Variants in SMAD6 observed in about 807,000 individuals in gnomAD.
SMAD6 encodes the protein MAD homolog 6.
A neutral mutation model predicts 39.4 loss-of-function variants in SMAD6; 103 were observed. The ratio of observed to expected loss-of-function variants is 2.62; its 90% CI spans 2.23 to 3.08. The LOEUF (loss-of-function observed/expected upper bound fraction) is 3.08, where lower values mean the gene tolerates loss of function less well. SMAD6 is among the 30% of genes most tolerant of loss of function. SMAD6 has a pLI of 0.00. For synonymous variants in SMAD6, 445 were observed against 353.3 expected (o/e 1.26, Z -2.91); for missense variants, 1,104 against 742.9 (o/e 1.49, Z -5.65).
chr15:66,757,604 G>A (rs1894125381), intron 3 of SMAD6, among the ~76,000 whole-genome samples: 1 of 152,152 alleles, frequency 6.6e-6, no homozygotes, highest in Non-Finnish European at 1.5e-5. Flanking sequence ...TCTGGCCCTT[G>A]TCCCACAGTC....
chr15:66,704,118 C>A, intron 1 of SMAD6, 43 bp downstream of exon 1: 1 of 1,344,216 alleles, frequency 7.4e-7, no homozygotes, highest in South Asian at 1.6e-5. Flanking sequence ...GGTCCCCGTC[C>A]CCATCCCCTT....
In SMAD6 at chr15:66,747,173, A is replaced by G. The variant is rs1257467228; in HGVS notation, c.952+30675A>G. On this transcript the variant is annotated intron_variant, in intron 3 of 3. Transcript: ENST00000288840. The surrounding 1 kb of genome is among the most constrained non-coding windows in gnomAD (Gnocchi z 4.5). ...TCCAGCCAGGAGGACAGAAATTCTT[A>G]TCTCCACATGGCAAGTGGGGAAAAT... Among the ~76,000 whole-genome samples, 1 of 152,224 alleles carries G rather than the reference A, an allele frequency of 6.6e-6. No individual in the cohort carries two copies. Among genetic ancestry groups the G allele is most frequent in the Non-Finnish European group, 1.5e-5 (1 of 68,038 alleles).
intron 3 of SMAD6, among the ~76,000 whole-genome samples, chr15:66,729,490 C>G (rs546308792): frequency 6.6e-6 from 1 of 152,252 alleles, no homozygotes; most frequent in East Asian, 1.9e-4. Flanking sequence ...GGAGTTGGGT[C>G]AAGATTGTCC....
At chr15:66,736,328 A>G (rs531839769) in intron 3 of SMAD6, among the ~76,000 whole-genome samples, 1 of 152,352 alleles carries the variant, frequency 6.6e-6, no homozygotes, top group African/African-American at 2.4e-5. Context: ...CGCATACTAA[A>G]AAGTGATTTG....
At chr15:66,758,175 CTT>C (rs1284713818) in intron 3 of SMAD6, among the ~76,000 whole-genome samples, 2 of 152,162 alleles carry the variant, frequency 1.3e-5, no homozygotes, top group Admixed American at 6.5e-5. Context: ...CTTGAAAACT[CTT>C]TTTTATTATT....
chr15:66,781,489 C>T lies in SMAD6; in HGVS notation c.1445C>T (p.Thr482Ile). The T allele has an allele frequency of 1.3e-6, 2 of 1,580,186 alleles. No homozygotes were observed. The highest frequency in any genetic ancestry group is 8.6e-7 in the Non-Finnish European group (1 of 1,165,580). The change falls in exon 4 of 4, where the codon ACC (threonine) becomes ATC (isoleucine). Residue 482 changes from threonine (T) to isoleucine (I), a missense_variant. Transcript: ENST00000288840. ...WGPCYSRQFITSCPCWLEILL... is the reference protein window; with the variant it reads ...WGPCYSRQFIISCPCWLEILL... ...CCCTGCTACTCCCGGCAGTTCATCACCTCCTGCCCCTGCTGGCTGGAGATC... is the reference window on the plus strand; with the variant it reads ...CCCTGCTACTCCCGGCAGTTCATCATCTCCTGCCCCTGCTGGCTGGAGATC...
At chr15:66,775,297 G>T (rs1160148204) in intron 3 of SMAD6, among the ~76,000 whole-genome samples, 1 of 152,176 alleles carries the variant, frequency 6.6e-6, no homozygotes, top group African/African-American at 2.4e-5. Flanking sequence ...CTTGTTGCAG[G>T]TTTCGGTAGC....
At chr15:66,748,243 G>A (rs1376936646) in intron 3 of SMAD6, among the ~76,000 whole-genome samples, 1 of 151,136 alleles carries the variant, frequency 6.6e-6, no homozygotes, top group Non-Finnish European at 1.5e-5. Flanking sequence ...GCCCCAGAGA[G>A]AAGAGTGGTT....
At chr15:66,780,545 G>C (rs565295777) in intron 3 of SMAD6, among the ~76,000 whole-genome samples, 1 of 152,312 alleles carries the variant, frequency 6.6e-6, no homozygotes. Flanking sequence ...CAGAGTGATC[G>C]TGAGGACCAA....
At chr15:66,730,779 A>G (rs1379384810) in intron 3 of SMAD6, among the ~76,000 whole-genome samples, 3 of 152,220 alleles carry the variant, frequency 2.0e-5, no homozygotes, top group Non-Finnish European at 2.9e-5. Flanking sequence ...ACTTATCTCC[A>G]CTTGATAGAT....
At chr15:66,775,170 G>C (rs1259740364) in intron 3 of SMAD6, among the ~76,000 whole-genome samples, 1 of 152,004 alleles carries the variant, frequency 6.6e-6, no homozygotes, top group African/African-American at 2.4e-5. Context: ...CCACTGTTCT[G>C]ATTTACGTCG....
At chr15:66,711,963 C>T (rs1893240745) in intron 2 of SMAD6, among the ~76,000 whole-genome samples, 1 of 152,218 alleles carries the variant, frequency 6.6e-6, no homozygotes, top group African/African-American at 2.4e-5. Flanking sequence ...TCATCATTAA[C>T]CTCTCTGTGA....
chr15:66,778,190 C>T (rs561818572), intron 3 of SMAD6, among the ~76,000 whole-genome samples: 14 of 151,916 alleles, frequency 9.2e-5, no homozygotes, highest in African/African-American at 3.4e-4. Flanking sequence ...AAGCAATCCT[C>T]CTGTCTCAGC....
At chr15:66,717,498 A>G (rs1893353152) in intron 3 of SMAD6, 1 of 449,944 alleles carries the variant, frequency 2.2e-6, no homozygotes, top group Admixed American at 2.4e-5. Context: ...ACTTTTCTGC[A>G]AGGGCCAAAT....
chr15:66,731,056 T>C (rs1388524229), intron 3 of SMAD6, among the ~76,000 whole-genome samples: 1 of 152,220 alleles, frequency 6.6e-6, no homozygotes, highest in African/African-American at 2.4e-5. Context: ...CAGTAAAATT[T>C]TGTGGAAGTG....
intron 1 of SMAD6, chr15:66,708,680 A>G (rs1313081862): frequency 2.2e-6 from 1 of 460,612 alleles, no homozygotes; most frequent in Non-Finnish European, 4.6e-6. Context: ...CCAGCCACAA[A>G]AGGCCATATA....
intron 2 of SMAD6, among the ~76,000 whole-genome samples, chr15:66,714,156 T>C (rs1287185900): frequency 6.6e-6 from 1 of 152,204 alleles, no homozygotes; most frequent in Non-Finnish European, 1.5e-5. Context: ...TCAAGGATCA[T>C]CGCCCTGAGG....
At chr15:66,770,365 G>A (rs1233425358) in intron 3 of SMAD6, among the ~76,000 whole-genome samples, 1 of 152,126 alleles carries the variant, frequency 6.6e-6, no homozygotes, top group African/African-American at 2.4e-5. Flanking sequence ...TGTAAGGCCG[G>A]TGCGGGCACT....
chr15:66,754,452 A>G lies in SMAD6; in HGVS notation c.953-26545A>G, dbSNP rs1894062439. ...CTGTTCACCCAGGTCCCTTGTGTGA[A>G]TTACAGCCAGTGGTACCGGGCAGGA... On this transcript the variant is annotated intron_variant, in intron 3 of 3. Coordinates refer to ENST00000288840, the MANE Select transcript of SMAD6 (RefSeq NM_005585.5). Among the ~76,000 whole-genome samples the G allele has an allele frequency of 1.3e-5, 2 of 152,202 alleles. 1 individual carries two copies. Among genetic ancestry groups the G allele is most frequent in the Admixed American group, 1.3e-4 (2 of 15,290 alleles).
Sources: gnomAD v4.1 joint callset for allele counts (sites outside exome capture counted in the v4.1 genomes callset) on GRCh38, gnomAD v4.1.1 for gene constraint, Gnocchi (gnomAD v3.1) non-coding constraint, MANE v1.5 for transcripts, NCBI Gene and HGNC (gene_info 2026-07-23, HGNC 2026-07-21) for gene names.